Variants in RARB observed in about 807,000 individuals in gnomAD.
The protein encoded by RARB is HBV-activated protein.
In RARB, 17 loss-of-function variants were observed where a neutral mutation model predicts 51.9. That is an observed-to-expected ratio of 0.33 (90% CI 0.22 to 0.49). The LOEUF (loss-of-function observed/expected upper bound fraction) is 0.49. Ranked by LOEUF, RARB falls within the 20% of genes least tolerant of loss-of-function variation. RARB has a pLI of 0.99. For missense variants in RARB, 369 were observed against 550.8 expected, an observed-to-expected ratio of 0.67 and a Z score of 3.30; for synonymous variants, 215 against 195.4, an observed-to-expected ratio of 1.10 and a Z score of -0.84.
intron 3 of RARB, among the ~76,000 whole-genome samples, chr3:25,531,817 G>A (rs1200262231): frequency 1.3e-5 from 2 of 151,846 alleles, no homozygotes; most frequent in Non-Finnish European, 2.9e-5. Flanking sequence ...AGGAATTTGA[G>A]AGGGGCAAAG....
At chr3:25,097,007 G>A (rs1043551268) in intron 3 of RARB, among the ~76,000 whole-genome samples, 1 of 152,162 alleles carries the variant, frequency 6.6e-6, no homozygotes, top group Non-Finnish European at 1.5e-5. Flanking sequence ...AATAAAAGAG[G>A]TATCTTCACC....
intron 5 of RARB, among the ~76,000 whole-genome samples, chr3:25,388,185 G>C (rs1456958788): frequency 6.6e-6 from 1 of 152,148 alleles, no homozygotes; most frequent in African/African-American, 2.4e-5. Flanking sequence ...TTGCAGAAAA[G>C]CTGATTCCTA....
chr3:25,383,555 A>G (rs1032366107), intron 5 of RARB, among the ~76,000 whole-genome samples: 3 of 152,222 alleles, frequency 2.0e-5, no homozygotes, highest in Non-Finnish European at 4.4e-5. Flanking sequence ...TTGTATGATG[A>G]TGCAAATGTT....
rs1175257335 is a variant in RARB, at chr3:25,282,751, T to C, written c.178+108176T>C. Among the ~76,000 whole-genome samples the C allele has an allele frequency of 2.0e-5, 3 of 152,172 alleles. No homozygotes were observed. The East Asian group carries it at 5.8e-4, about 29-fold the overall frequency. ...TAACTGTGATCCATCATTTAGAAAC[T>C]GTTGCTGATGTGTTTGTCAGTGCAC... On this transcript the variant is annotated intron_variant, in intron 5 of 11. Transcript: ENST00000383772.
chr3:25,325,701 C>T (rs1331507932), intron 5 of RARB, among the ~76,000 whole-genome samples: 1 of 151,624 alleles, frequency 6.6e-6, no homozygotes, highest in Non-Finnish European at 1.5e-5. Context: ...GTGATGAGCC[C>T]TCCCCATGCC....
chr3:25,217,448 C>T (rs903314117), intron 5 of RARB, among the ~76,000 whole-genome samples: 4 of 152,020 alleles, frequency 2.6e-5, no homozygotes, highest in Admixed American at 6.6e-5. Context: ...GCCATTACCC[C>T]AGGAATGATT....
chr3:24,941,374 CT>C (rs567240324), intron 2 of RARB, among the ~76,000 whole-genome samples: 283 of 145,450 alleles, frequency 1.9e-3, no homozygotes, highest in Middle Eastern at 3.6e-3. Flanking sequence ...AAAAGGCAGT[CT>C]TTTTTTTTTT....
At chr3:25,004,641 T>C (rs908009684) in intron 2 of RARB, among the ~76,000 whole-genome samples, 1 of 152,144 alleles carries the variant, frequency 6.6e-6, no homozygotes, top group African/African-American at 2.4e-5. Flanking sequence ...GGAGGGGACA[T>C]TCAAACCATA....
At chr3:25,007,655 A>G (rs1468839821) in intron 2 of RARB, among the ~76,000 whole-genome samples, 1 of 151,468 alleles carries the variant, frequency 6.6e-6, no homozygotes, top group Admixed American at 6.6e-5. Flanking sequence ...TTTGGAAAAC[A>G]AAAAAGAATA....
chr3:25,414,029 GT>G (rs1707636824), intron 5 of RARB, among the ~76,000 whole-genome samples: 1 of 151,408 alleles, frequency 6.6e-6, no homozygotes, highest in Non-Finnish European at 1.5e-5. Context: ...CCACCCAGAA[GT>G]TTTTCCATGT....
At chr3:24,931,553 A>G (rs1388563291) in intron 2 of RARB, among the ~76,000 whole-genome samples, 1 of 152,046 alleles carries the variant, frequency 6.6e-6, no homozygotes, top group Non-Finnish European at 1.5e-5. Flanking sequence ...TCACCTGGTA[A>G]AGTCTACAGA....
intron 5 of RARB, among the ~76,000 whole-genome samples, chr3:25,309,993 C>A (rs1343649384): frequency 6.6e-6 from 1 of 152,212 alleles, no homozygotes; most frequent in Non-Finnish European, 1.5e-5. Context: ...ATATTTCTTG[C>A]CCCTTCCCCT....
intron 5 of RARB, among the ~76,000 whole-genome samples, chr3:25,383,702 C>T (rs188895932): frequency 1.1e-4 from 17 of 152,120 alleles, no homozygotes; most frequent in Admixed American, 9.8e-4. Flanking sequence ...CCGAGGCGAG[C>T]GGATCATCTG....
chr3:25,072,690 A>G (rs1698791544), intron 3 of RARB, among the ~76,000 whole-genome samples: 1 of 151,652 alleles, frequency 6.6e-6, no homozygotes, highest in South Asian at 2.1e-4. Flanking sequence ...TCTACCTACA[A>G]GGAGGGTTTC....
intron 2 of RARB, among the ~76,000 whole-genome samples, chr3:24,880,368 G>A (rs543149858): frequency 4.6e-4 from 70 of 152,100 alleles, no homozygotes; most frequent in Admixed American, 5.2e-4. Flanking sequence ...GGGGCAACAC[G>A]AATCTGTAAT....
At chr3:25,471,990 A>G (rs1235648385) in intron 2 of RARB, among the ~76,000 whole-genome samples, 1 of 152,066 alleles carries the variant, frequency 6.6e-6, no homozygotes, top group Non-Finnish European at 1.5e-5. Context: ...CCCACTCTCT[A>G]CAGTTGCCTC....
At chr3:25,419,522 C>T (rs534750217) in intron 5 of RARB, among the ~76,000 whole-genome samples, 125 of 152,242 alleles carry the variant, frequency 8.2e-4, no homozygotes, top group African/African-American at 3.0e-3. Context: ...ATCTGTCATA[C>T]CAAGTTCTCT....
chr3:25,423,517 C>G (rs922939), upstream of RARB, among the ~76,000 whole-genome samples: 4 of 151,980 alleles, frequency 2.6e-5, no homozygotes, highest in African/African-American at 7.3e-5. Context: ...AGCACCCCCC[C>G]ACACAATCCC....
At chr3:24,838,166 A>G (rs1418237883) in intron 1 of RARB, among the ~76,000 whole-genome samples, 1 of 152,116 alleles carries the variant, frequency 6.6e-6, no homozygotes, top group East Asian at 1.9e-4. Flanking sequence ...ATCTTTCTTC[A>G]AAGTCAGCAA....
Sources: gnomAD v4.1 joint callset for allele counts (sites outside exome capture counted in the v4.1 genomes callset) on GRCh38, gnomAD v4.1.1 for gene constraint, MANE v1.5 for transcripts, NCBI Gene and HGNC (gene_info 2026-07-23, HGNC 2026-07-21) for gene names.